Variants in PPM1D observed in about 807,000 individuals in gnomAD.
PPM1D encodes protein phosphatase, Mg2+/Mn2+ dependent 1D, also known as protein phosphatase 1D.
PPM1D carries 52 observed loss-of-function variants against 58.3 expected under a neutral mutation model. The ratio of observed to expected loss-of-function variants is 0.89; its 90% CI spans 0.71 to 1.12. The LOEUF is 1.12. Ranked by LOEUF, PPM1D falls within the 50% of genes most tolerant of loss-of-function variation. The probability of loss-of-function intolerance (pLI) is 0.00; values close to 1 mark genes in which losing one functional copy is unlikely to be tolerated. For synonymous variants in PPM1D, 278 were observed against 285.1 expected, an observed-to-expected ratio of 0.98 and a Z score of 0.25; for missense variants, 564 against 777.2, an observed-to-expected ratio of 0.73 and a Z score of 3.26.
intron 5 of PPM1D, among the ~76,000 whole-genome samples, chr17:60,661,900 A>G (rs1209865297): frequency 6.6e-6 from 1 of 152,192 alleles, no homozygotes; most frequent in Admixed American, 6.5e-5. Flanking sequence ...AAAAAACTAC[A>G]AATTTGTTGC....
chr17:60,652,353 A>G (rs1294180707), intron 4 of PPM1D, among the ~76,000 whole-genome samples: 1 of 151,974 alleles, frequency 6.6e-6, no homozygotes, highest in Non-Finnish European at 1.5e-5. Flanking sequence ...TTCATTGTGT[A>G]TGTGTATATA....
At chr17:60,610,357 C>T (rs1395271601) in intron 1 of PPM1D, among the ~76,000 whole-genome samples, 1 of 152,020 alleles carries the variant, frequency 6.6e-6, no homozygotes, top group Non-Finnish European at 1.5e-5. Context: ...TGTATGATTT[C>T]TTCATGTTGA....
At chr17:60,626,777 C>T (rs2143661093) in intron 2 of PPM1D, among the ~76,000 whole-genome samples, 1 of 152,144 alleles carries the variant, frequency 6.6e-6, no homozygotes, top group African/African-American at 2.4e-5. Flanking sequence ...CTCCTAGGCT[C>T]AAGCGATCCT....
rs375859165 is a variant in PPM1D at position 60,656,860 on chromosome 17, T to C, written c.1260+19T>C. 1.2e-6 allele frequency: 2 copies of C among 1,613,462 alleles called. No individual in the cohort carries two copies. The highest frequency in any genetic ancestry group is 4.5e-5 in the East Asian group (2 of 44,888). ...AGTCAAGGTATATAGTTCCATAGTTTTTAAGTTATGTTTTAATAGACACCA... is the reference window on the plus strand; with the variant it reads ...AGTCAAGGTATATAGTTCCATAGTTCTTAAGTTATGTTTTAATAGACACCA... On this transcript the variant is annotated intron_variant, in intron 5 of 5. Transcript: ENST00000305921.
intron 1 of PPM1D, among the ~76,000 whole-genome samples, chr17:60,614,576 G>T (rs1269524526): frequency 6.6e-6 from 1 of 152,042 alleles, no homozygotes; most frequent in Non-Finnish European, 1.5e-5. Flanking sequence ...TTGGCAACAC[G>T]GTGGGGTGGC....
intron 4 of PPM1D, among the ~76,000 whole-genome samples, chr17:60,650,354 C>T (rs1448133148): frequency 5.9e-5 from 9 of 152,306 alleles, no homozygotes; most frequent in East Asian, 1.9e-4. Flanking sequence ...AGTTCGAGAC[C>T]GGCCTGGCCA....
rs1030308178 is a variant in PPM1D, at chr17:60,600,286, G to C, written c.-129G>C. ...AGACATCGCGCGCCCCCCCTTCTCC[G>C]GGTCCGCCCCCTCCCCCTTCTCGGC... On this transcript the variant is annotated 5_prime_UTR_variant, in exon 1 of 6. Transcript: ENST00000305921. The C allele has an allele frequency of 4.2e-6, 6 of 1,434,446 alleles. No homozygotes were observed. 88.9% of individuals were successfully genotyped at this position (1,434,446 alleles called of 1,614,324 possible). A position where few individuals can be genotyped will look rare whatever the true frequency, so the allele number is the denominator to read the frequency against.
Position 60,607,425 on chromosome 17 carries a change from C to T in PPM1D, c.472+6539C>T, listed in dbSNP as rs1020056298. On this transcript the variant is annotated intron_variant, in intron 1 of 5. Coordinates refer to ENST00000305921, the MANE Select transcript of PPM1D (RefSeq NM_003620.4). ...AGCTTCCCGAGTAACTGGGATTACA[C>T]GCATGTGCCACCACACTCAGCTAAT... 3.9e-5 allele frequency among the ~76,000 whole-genome samples: 6 copies of T among 151,964 alleles called. No homozygotes were observed. In the South Asian group the frequency reaches 8.3e-4, roughly 21 times the overall value.
Position 60,600,578 on chromosome 17 carries a change from C to T in PPM1D, c.164C>T (p.Pro55Leu), listed in dbSNP as rs1443684200. The change falls in exon 1 of 6, where the codon CCG (proline) becomes CTG (leucine). Residue 55 changes from proline (P) to leucine (L), a missense_variant. Around this residue, in one of 7 missense-constraint regions of PPM1D, gnomAD observed 132 missense variants for 150.4 expected, o/e 0.88. Coordinates refer to ENST00000305921, the MANE Select transcript of PPM1D (RefSeq NM_003620.4). ...LSQPLPPRPSPAALPGGEVSG... is the reference protein window; with the variant it reads ...LSQPLPPRPSLAALPGGEVSG... ...CAGCCGTTGCCTCCGCGGCCGTCGC[C>T]GGCCGCCCTTCCCGGCGGCGAAGTC... 12 of 1,552,962 alleles carry T rather than the reference C, an allele frequency of 7.7e-6. No homozygotes were observed. Among genetic ancestry groups the T allele is most frequent in the African/African-American group, 5.5e-5 (4 of 73,070 alleles).
intron 3 of PPM1D, among the ~76,000 whole-genome samples, chr17:60,637,591 AG>A (rs1007308037): frequency 1.5e-4 from 23 of 152,180 alleles, no homozygotes; most frequent in African/African-American, 5.3e-4. Context: ...AATTGATTTC[AG>A]GTGTTGTCTA....
At chr17:60,619,631 G>A (rs1221747513) in intron 1 of PPM1D, among the ~76,000 whole-genome samples, 1 of 151,706 alleles carries the variant, frequency 6.6e-6, no homozygotes, top group Non-Finnish European at 1.5e-5. Context: ...TTTTAGATGG[G>A]TCTTCTCGCT....
chr17:60,621,777 AGTCAGGATGGTCTC>A (rs1337724804), intron 1 of PPM1D, among the ~76,000 whole-genome samples: 1 of 148,340 alleles, frequency 6.7e-6, no homozygotes, highest in Non-Finnish European at 1.5e-5. Flanking sequence ...GTTTCACCAT[AGTCAGGATGGTCTC>A]GATCTCCTGA....
chr17:60,635,589 C>T (rs554350806), intron 3 of PPM1D, among the ~76,000 whole-genome samples: 2 of 152,076 alleles, frequency 1.3e-5, no homozygotes, highest in Non-Finnish European at 2.9e-5. Context: ...GTTTTTGTGT[C>T]GTAACACTCA....
intron 1 of PPM1D, among the ~76,000 whole-genome samples, chr17:60,609,389 A>G (rs1469966344): frequency 6.6e-6 from 1 of 152,054 alleles, no homozygotes; most frequent in Non-Finnish European, 1.5e-5. Context: ...CACCGTGCCC[A>G]GCCTGCATGG....
chr17:60,606,308 G>A (rs1458886185), intron 1 of PPM1D, among the ~76,000 whole-genome samples: 1 of 152,106 alleles, frequency 6.6e-6, no homozygotes, highest in Non-Finnish European at 1.5e-5. Context: ...ATGGACATTT[G>A]GGTTGTTTCC....
chr17:60,604,191 C>A (rs76907962), intron 1 of PPM1D, among the ~76,000 whole-genome samples: 3,297 of 152,304 alleles, frequency 0.022, 49 homozygotes, highest in Non-Finnish European at 0.029. Flanking sequence ...CAAAGAAAAT[C>A]ATGTTTGTTA....
At chr17:60,608,443 T>G (rs1242037022) in intron 1 of PPM1D, among the ~76,000 whole-genome samples, 1 of 152,056 alleles carries the variant, frequency 6.6e-6, no homozygotes, top group Non-Finnish European at 1.5e-5. Flanking sequence ...AGGCAGATCA[T>G]GAGGTCAAGA....
intron 1 of PPM1D, among the ~76,000 whole-genome samples, chr17:60,610,689 G>A (rs2030436723): frequency 2.0e-5 from 3 of 152,164 alleles, no homozygotes; most frequent in Admixed American, 1.3e-4. Flanking sequence ...CACTTCAACA[G>A]CAGAGTTGAA....
At chr17:60,615,636 A>C (rs1567966130) in intron 1 of PPM1D, among the ~76,000 whole-genome samples, 1 of 151,734 alleles carries the variant, frequency 6.6e-6, no homozygotes, top group Non-Finnish European at 1.5e-5. Context: ...TTGCTACTAA[A>C]GTTCCTTTGG....
Sources: gnomAD v4.1 joint callset for allele counts (sites outside exome capture counted in the v4.1 genomes callset) on GRCh38, gnomAD v4.1.1 for gene constraint, gnomAD v4.1.1 regional missense constraint, MANE v1.5 for transcripts, NCBI Gene and HGNC (gene_info 2026-07-23, HGNC 2026-07-21) for gene names.